GSDMC: variants seen among roughly 807,000 people sequenced by gnomAD.
GSDMC encodes the protein gasdermin-C.
In GSDMC, 59 loss-of-function variants were observed where a neutral mutation model predicts 58.0. That is an observed-to-expected ratio of 1.02 (90% CI 0.82 to 1.26). GSDMC has a LOEUF of 1.26. Ranked by LOEUF, GSDMC falls within the 50% of genes most tolerant of loss-of-function variation. The probability of loss-of-function intolerance (pLI) is 0.00; values close to 1 mark genes in which losing one functional copy is unlikely to be tolerated. For missense variants in GSDMC, 659 were observed against 598.5 expected, an observed-to-expected ratio of 1.10 and a Z score of -1.06; for synonymous variants, 241 against 220.2, an observed-to-expected ratio of 1.09 and a Z score of -0.83.
intron 1 of GSDMC, among the ~76,000 whole-genome samples, chr8:129,778,643 C>T (rs984445873): frequency 6.6e-6 from 1 of 151,586 alleles, no homozygotes; most frequent in African/African-American, 2.4e-5. Context: ...TTCTGCACAG[C>T]AAAAGAAGCT....
At chr8:129,729,623 C>T in the GSDMC span, among the ~76,000 whole-genome samples, 48 of 152,262 alleles carry the variant, frequency 3.2e-4, 2 homozygotes, top group East Asian at 8.9e-3. Flanking sequence ...ATCCATGTCC[C>T]TACAAAGGAC....
intron 11 of GSDMC, 100 bp from the exon 12 acceptor site, chr8:129,750,219 G>C: frequency 9.1e-7 from 1 of 1,095,274 alleles, no homozygotes; most frequent in East Asian, 2.6e-5. Flanking sequence ...TAGGCATGAG[G>C]GTTCTCTACC....
the GSDMC span, chr8:129,730,291 C>T: frequency 4.4e-6 from 6 of 1,368,684 alleles, no homozygotes; most frequent in Non-Finnish European, 6.0e-6. Context: ...TATAATTTTC[C>T]ACAGAACCAG....
the GSDMC span, among the ~76,000 whole-genome samples, chr8:129,716,246 T>C: frequency 6.6e-6 from 1 of 152,178 alleles, no homozygotes; most frequent in Non-Finnish European, 1.5e-5. Flanking sequence ...GACACAATCA[T>C]ATGCTTTCTA....
intron 2 of GSDMC, among the ~76,000 whole-genome samples, chr8:129,777,044 A>T (rs2130554269): frequency 6.6e-6 from 1 of 152,178 alleles, no homozygotes; most frequent in South Asian, 2.1e-4. Context: ...CACTGGGATT[A>T]TAGGCATGAG....
At chr8:129,766,491 A>G (rs1284316458) in intron 3 of GSDMC, among the ~76,000 whole-genome samples, 1 of 152,234 alleles carries the variant, frequency 6.6e-6, no homozygotes, top group Non-Finnish European at 1.5e-5. Flanking sequence ...TTGGCTTTTC[A>G]GTAGAGAAGG....
At chr8:129,708,702 C>T in the GSDMC span, among the ~76,000 whole-genome samples, 2 of 152,256 alleles carry the variant, frequency 1.3e-5, no homozygotes, top group African/African-American at 4.8e-5. Flanking sequence ...AGGGCCCACT[C>T]CTGGACTTTA....
At chr8:129,746,976 A>G (rs1432031391), downstream of GSDMC, among the ~76,000 whole-genome samples, 1 of 152,108 alleles carries the variant, frequency 6.6e-6, no homozygotes, top group African/African-American at 2.4e-5. Context: ...CAGACTGGGA[A>G]CGGTGGCTCA....
At chr8:129,721,333 A>G in the GSDMC span, among the ~76,000 whole-genome samples, 3 of 152,080 alleles carry the variant, frequency 2.0e-5, no homozygotes, top group Admixed American at 1.3e-4. Context: ...CCTTACTCCA[A>G]ATCATTTTCC....
chr8:129,777,509 G>A lies in GSDMC; in HGVS notation c.79C>T (p.Leu27=). 6.2e-7 allele frequency: 1 copy of A among 1,613,114 alleles called. No individual in the cohort carries two copies. Among genetic ancestry groups the A allele is most frequent in the Non-Finnish European group, 8.5e-7 (1 of 1,179,120 alleles). ...GSKDLTPVKY[L]LSATKLRQFV... ...TGACGTAATTTGGTGGCACTCAATA[G>A]GTATTTGACAGGTGTCAGGTCTTTG... Residue 27 remains leucine, a synonymous_variant, in exon 2 of 14, where the codon CTA becomes TTA. Transcript: ENST00000276708.
At chr8:129,761,835 T>C (rs2033674834) in intron 5 of GSDMC, among the ~76,000 whole-genome samples, 1 of 152,108 alleles carries the variant, frequency 6.6e-6, no homozygotes, top group South Asian at 2.1e-4. Flanking sequence ...CCTCATTCTG[T>C]CTATGGCCAC....
Position 129,758,309 on chromosome 8 carries a change from G to C in GSDMC, c.721+2236C>G, listed in dbSNP as rs533976155. 4.7e-4 allele frequency among the ~76,000 whole-genome samples: 72 copies of C among 152,276 alleles called. No individual in the cohort carries two copies. In the South Asian group the frequency reaches 6.8e-3, roughly 14 times the overall value. Reference sequence around the variant, plus strand: ...GCCTTTCATCTTAGATCTGGAACATGACAAAGAGGTCCACATTCATTATTG... The same window carrying C: ...GCCTTTCATCTTAGATCTGGAACATCACAAAGAGGTCCACATTCATTATTG... On this transcript the variant is annotated intron_variant, in intron 6 of 13. Transcript: ENST00000276708.
chr8:129,765,850 G>A (rs1426277864), intron 3 of GSDMC, 57 bp from the exon 4 acceptor site: 7 of 1,460,426 alleles, frequency 4.8e-6, no homozygotes, highest in African/African-American at 2.8e-5. Flanking sequence ...GGCTTTTCAG[G>A]TTACTCTGGG....
intron 7 of GSDMC, 73 bp from the exon 8 acceptor site, chr8:129,752,220 C>A: frequency 8.4e-7 from 1 of 1,184,230 alleles, no homozygotes. Flanking sequence ...TACTTCTTTC[C>A]CTCTTGGTCT....
rs759584359 is a variant in GSDMC at position 129,783,541 on chromosome 8, T to TA, written c.-5+2469dup. Among the ~76,000 whole-genome samples the TA allele has an allele frequency of 6.6e-5, 10 of 151,994 alleles. No individual in the cohort carries two copies. The East Asian group carries it at 1.2e-3, about 18-fold the overall frequency. ...TTAGGAATTAATTTAACTGAAGAAG[T>TA]AAAAAATCTCTTCAATGAAAACTAT... On this transcript the variant is annotated intron_variant, in intron 1 of 13. Transcript: ENST00000276708.
chr8:129,785,812 A>G (rs2034539971), intron 1 of GSDMC, among the ~76,000 whole-genome samples, 199 bp downstream of exon 1: 1 of 151,960 alleles, frequency 6.6e-6, no homozygotes, highest in South Asian at 2.1e-4. Flanking sequence ...GACCTGTGCA[A>G]TAATGTATCG....
At chr8:129,719,437 A>G in the GSDMC span, among the ~76,000 whole-genome samples, 19 of 152,256 alleles carry the variant, frequency 1.2e-4, no homozygotes, top group African/African-American at 9.6e-5. Flanking sequence ...TAAGATTTCA[A>G]TATCACTAAC....
intron 6 of GSDMC, among the ~76,000 whole-genome samples, chr8:129,756,602 A>C (rs2033447530): frequency 1.3e-5 from 2 of 152,062 alleles, no homozygotes; most frequent in East Asian, 1.9e-4. Flanking sequence ...CAGAATACAC[A>C]TTTTTTTCTC....
the GSDMC span, chr8:129,706,630 C>T: frequency 6.6e-6 from 1 of 152,186 alleles, no homozygotes. Flanking sequence ...GATGGAATCA[C>T]TTGCAGGCAT....
Sources: allele counts gnomAD v4.1 joint callset (sites outside exome capture counted in the v4.1 genomes callset), GRCh38; gene constraint gnomAD v4.1.1; transcripts MANE v1.5; gene names NCBI Gene and HGNC (gene_info 2026-07-23, HGNC 2026-07-21).